Variants in BABAM2 observed in about 807,000 individuals in gnomAD.
BABAM2 encodes BRISC and BRCA1-A complex member 2.
A neutral mutation model predicts 54.7 loss-of-function variants in BABAM2; 31 were observed. The ratio of observed to expected loss-of-function variants is 0.57; its 90% CI spans 0.43 to 0.77. The LOEUF (loss-of-function observed/expected upper bound fraction) is 0.77. Ranked by LOEUF, BABAM2 falls within the 30% of genes least tolerant of loss-of-function variation. The pLI is 0.00. For synonymous variants in BABAM2, 167 were observed against 162.9 expected (o/e 1.03, Z -0.19); for missense variants, 364 against 455.8 (o/e 0.80, Z 1.83).
At chr2:28,100,827 A>G (rs1418085690) in intron 6 of BABAM2, among the ~76,000 whole-genome samples, 1 of 152,162 alleles carries the variant, frequency 6.6e-6, no homozygotes, top group African/African-American at 2.4e-5. Flanking sequence ...AAGGGCATGT[A>G]TGTGGGCCTG....
chr2:27,895,803 A>G (rs754077909), intron 2 of BABAM2, among the ~76,000 whole-genome samples: 83 of 152,206 alleles, frequency 5.5e-4, no homozygotes, highest in Middle Eastern at 3.4e-3. Flanking sequence ...CCGTTTATTA[A>G]TTTGAATTCT....
chr2:28,134,109 A>G (rs760107789), intron 7 of BABAM2, among the ~76,000 whole-genome samples: 3 of 151,818 alleles, frequency 2.0e-5, no homozygotes, highest in Non-Finnish European at 2.9e-5. Context: ...CTGGCCCTAT[A>G]CATTTGTCTT....
intron 6 of BABAM2, among the ~76,000 whole-genome samples, chr2:28,084,973 T>G (rs1665513772): frequency 6.6e-6 from 1 of 152,202 alleles, no homozygotes; most frequent in African/African-American, 2.4e-5. Flanking sequence ...AACTTCTTTA[T>G]TTGGGTTTTA....
At chr2:27,953,636 G>T (rs1412521763) in intron 3 of BABAM2, among the ~76,000 whole-genome samples, 1 of 148,496 alleles carries the variant, frequency 6.7e-6, no homozygotes, top group East Asian at 2.0e-4. Context: ...CATTACCAAC[G>T]ATCTCACCAA....
chr2:28,329,896 C>T lies in BABAM2; in HGVS notation c.1089-8554C>T, dbSNP rs2148330686. ...TACAACAAAAAAAGAAAATGTCAGG[C>T]CAATACTCCTGATGAACATCAGTGT... On this transcript the variant is annotated intron_variant, in intron 11 of 11. Transcript: ENST00000379624. The surrounding 1 kb of genome is among the most constrained non-coding windows in gnomAD (Gnocchi z 4.2). Among the ~76,000 whole-genome samples, 1 of 152,284 alleles carries T rather than the reference C, an allele frequency of 6.6e-6. No homozygotes were observed. The highest frequency in any genetic ancestry group is 3.4e-3 in the Middle Eastern group (1 of 294).
rs530178566 is a variant in BABAM2 at position 28,298,225 on chromosome 2, A to G, written c.935-113A>G. 2.0e-4 allele frequency: 215 copies of G among 1,083,032 alleles called. No individual in the cohort carries two copies. The African/African-American group carries it at 2.9e-3, about 15-fold the overall frequency. The allele number at this position is 1,083,032 out of a possible 1,614,324, so 67.1% of individuals were successfully genotyped here. On this transcript the variant is annotated intron_variant, in intron 10 of 11. Transcript: ENST00000379624. Reference sequence around the variant, plus strand: ...CACACCTTTCATCCAAACTGCAAGCAGTATTTGTGGTTCAAATAGAGTTTC... The same window carrying G: ...CACACCTTTCATCCAAACTGCAAGCGGTATTTGTGGTTCAAATAGAGTTTC...
intron 10 of BABAM2, among the ~76,000 whole-genome samples, chr2:28,251,834 AT>A (rs1244976468): frequency 6.6e-6 from 1 of 152,220 alleles, no homozygotes; most frequent in Non-Finnish European, 1.5e-5. Flanking sequence ...TTATTTTAGA[AT>A]TACCATGTTT....
At chr2:28,315,030 GA>G (rs1689400117) in intron 11 of BABAM2, among the ~76,000 whole-genome samples, 1 of 130,194 alleles carries the variant, frequency 7.7e-6, no homozygotes, top group Non-Finnish European at 1.6e-5. Context: ...GAAGGAGAGA[GA>G]GAGAAGAAAG....
chr2:28,176,585 A>AC (rs908143910), intron 7 of BABAM2, among the ~76,000 whole-genome samples: 1 of 144,430 alleles, frequency 6.9e-6, no homozygotes, highest in Non-Finnish European at 1.5e-5. Flanking sequence ...AAAAAAAAAA[A>AC]AAAAAAAAAA....
At chr2:28,149,406 T>C (rs1386188487) in intron 7 of BABAM2, among the ~76,000 whole-genome samples, 1 of 152,214 alleles carries the variant, frequency 6.6e-6, no homozygotes, top group Non-Finnish European at 1.5e-5. Flanking sequence ...CCTATCTTTG[T>C]ATATTTGCAC....
rs1348850578 is a variant in BABAM2, at chr2:27,901,778, T to C, written c.128+7094T>C. Among the ~76,000 whole-genome samples the C allele has an allele frequency of 2.6e-5, 4 of 152,348 alleles. No homozygotes were observed. In the East Asian group the frequency reaches 7.7e-4, roughly 29 times the overall value. Reference sequence around the variant, plus strand: ...CAGTTTTTAATAATTTAGATTTAGTTGTTCACTTAACTTTTCTGTACTTTT... The same window carrying C: ...CAGTTTTTAATAATTTAGATTTAGTCGTTCACTTAACTTTTCTGTACTTTT... On this transcript the variant is annotated intron_variant, in intron 2 of 11. Transcript: ENST00000379624.
intron 11 of BABAM2, among the ~76,000 whole-genome samples, chr2:28,321,676 G>A (rs1226515088): frequency 1.3e-5 from 2 of 152,120 alleles, no homozygotes; most frequent in East Asian, 3.9e-4. Flanking sequence ...CTTGGCAGAG[G>A]GAGGGCCGGT....
At chr2:28,031,678 C>T (rs997349491) in intron 5 of BABAM2, among the ~76,000 whole-genome samples, 2 of 152,114 alleles carry the variant, frequency 1.3e-5, no homozygotes, top group African/African-American at 4.8e-5. Context: ...TAGATTACAT[C>T]TCAAATGGAA....
intron 7 of BABAM2, among the ~76,000 whole-genome samples, chr2:28,171,430 C>A (rs1323016687): frequency 6.6e-6 from 1 of 152,174 alleles, no homozygotes; most frequent in Non-Finnish European, 1.5e-5. Context: ...TGGAGGTGGT[C>A]AACCACTGCG....
intron 10 of BABAM2, among the ~76,000 whole-genome samples, chr2:28,253,535 C>A (rs1361698371): frequency 6.6e-6 from 1 of 152,004 alleles, no homozygotes; most frequent in African/African-American, 2.4e-5. Flanking sequence ...TTACAAATAA[C>A]AAAACTGGCA....
chr2:28,338,378 G>A (rs1209337995), intron 11 of BABAM2, 72 bp from the exon 12 acceptor site: 3 of 1,316,062 alleles, frequency 2.3e-6, no homozygotes, highest in African/African-American at 2.9e-5. Flanking sequence ...TAGCTTGAAA[G>A]CTCCCAGTTG....
At chr2:27,958,517 TATAC>T (rs1670251009) in intron 3 of BABAM2, among the ~76,000 whole-genome samples, 2 of 149,556 alleles carry the variant, frequency 1.3e-5, no homozygotes. Context: ...CATATATACA[TATAC>T]ATATATGCAT....
chr2:27,951,119 T>A (rs1440895075), intron 3 of BABAM2, among the ~76,000 whole-genome samples: 2 of 152,190 alleles, frequency 1.3e-5, no homozygotes, highest in East Asian at 3.8e-4. Context: ...CAGCTTTTGG[T>A]TTCATCCATC....
chr2:28,192,023 G>A (rs1676964744), intron 7 of BABAM2, among the ~76,000 whole-genome samples: 1 of 152,084 alleles, frequency 6.6e-6, no homozygotes, highest in Non-Finnish European at 1.5e-5. Context: ...GTAGGCAGGA[G>A]ATTGTTTTTT....
Sources: gnomAD v4.1 joint callset for allele counts (sites outside exome capture counted in the v4.1 genomes callset) on GRCh38, gnomAD v4.1.1 for gene constraint, Gnocchi (gnomAD v3.1) non-coding constraint, MANE v1.5 for transcripts, NCBI Gene and HGNC (gene_info 2026-07-23, HGNC 2026-07-21) for gene names.